Variants in GRIK4 observed in about 807,000 individuals in gnomAD.
GRIK4 encodes glutamate ionotropic receptor kainate type subunit 4, also known as glutamate receptor ionotropic, kainate 4.
GRIK4 carries 40 observed loss-of-function variants against 104.9 expected under a neutral mutation model. The observed-to-expected ratio is 0.38, with a 90% CI of 0.30 to 0.50. The LOEUF is 0.50. Ranked by LOEUF, GRIK4 falls within the 20% of genes least tolerant of loss-of-function variation. GRIK4 has a pLI of 0.93. For synonymous variants in GRIK4, 485 were observed against 524.9 expected, an observed-to-expected ratio of 0.92 and a Z score of 1.04; for missense variants, 1,047 against 1,308.1, an observed-to-expected ratio of 0.80 and a Z score of 3.08.
intron 1 of GRIK4, among the ~76,000 whole-genome samples, chr11:120,636,191 C>G (rs925238795): frequency 1.3e-5 from 2 of 152,178 alleles, no homozygotes; most frequent in Non-Finnish European, 2.9e-5. Context: ...TAGCTTTTGA[C>G]TTTCATGAAT....
chr11:120,722,626 A>AG (rs397778058), intron 3 of GRIK4, among the ~76,000 whole-genome samples: 94 of 148,494 alleles, frequency 6.3e-4, no homozygotes, highest in African/African-American at 2.2e-3. Flanking sequence ...AAAAAAAAAA[A>AG]GATTTTGGGG....
chr11:120,958,932 A>T (rs1944227338), intron 16 of GRIK4, among the ~76,000 whole-genome samples: 3 of 152,096 alleles, frequency 2.0e-5, no homozygotes, highest in Admixed American at 2.0e-4. Flanking sequence ...AGGGCAGAAG[A>T]GCTGAGGCAG....
At chr11:120,517,026 C>T (rs1169850668) in intron 1 of GRIK4, among the ~76,000 whole-genome samples, 1 of 131,992 alleles carries the variant, frequency 7.6e-6, no homozygotes, top group Non-Finnish European at 1.6e-5. Context: ...TCAGTCTCAC[C>T]TCCCCAGCCT....
At position 120,581,336 on chromosome 11, in the gene GRIK4, C is replaced by T. The variant is rs949383724; in HGVS notation, c.-159+69449C>T. ...ACTTCCTTTACTGTCATTTAGAGAA[C>T]GGTTTCAGAAGACAGCCTCTTGGAG... On this transcript the variant is annotated intron_variant, in intron 1 of 20. Coordinates refer to ENST00000527524, the MANE Select transcript of GRIK4 (RefSeq NM_014619.5). 5.3e-5 allele frequency among the ~76,000 whole-genome samples: 8 copies of T among 152,284 alleles called. No homozygotes were observed. The East Asian group carries it at 5.8e-4, about 11-fold the overall frequency.
chr11:120,627,921 C>G lies in GRIK4; in HGVS notation c.-158-25764C>G, dbSNP rs889570383. On this transcript the variant is annotated intron_variant, in intron 1 of 20. Transcript: ENST00000527524. ...CTTCTGAACTCATGTCACGGTGCTG[C>G]TAGCAATTTGCTGTGCTTCTAATTC... Among the ~76,000 whole-genome samples the G allele has an allele frequency of 2.0e-5, 3 of 152,248 alleles. No individual in the cohort carries two copies. The East Asian group carries it at 5.8e-4, about 29-fold the overall frequency.
At chr11:120,598,612 T>A (rs935921359) in intron 1 of GRIK4, among the ~76,000 whole-genome samples, 19 of 152,212 alleles carry the variant, frequency 1.2e-4, no homozygotes, top group Non-Finnish European at 2.5e-4. Flanking sequence ...GCTCCTTTGG[T>A]CTTGGCCAGG....
At chr11:120,597,383 A>G (rs924932743) in intron 1 of GRIK4, among the ~76,000 whole-genome samples, 4 of 152,164 alleles carry the variant, frequency 2.6e-5, no homozygotes. Context: ...GGGGCTGCAC[A>G]CGGTGGGAGC....
chr11:120,649,163 T>C (rs1278460762), intron 1 of GRIK4, among the ~76,000 whole-genome samples: 1 of 152,140 alleles, frequency 6.6e-6, no homozygotes, highest in African/African-American at 2.4e-5. Context: ...AGGACACCGC[T>C]CACGTTGCTG....
At chr11:120,840,876 G>A (rs1274183022) in intron 8 of GRIK4, among the ~76,000 whole-genome samples, 1 of 151,820 alleles carries the variant, frequency 6.6e-6, no homozygotes, top group Non-Finnish European at 1.5e-5. Flanking sequence ...TACCCATTAA[G>A]CAATAGCTCC....
At chr11:120,969,248 TCTC>T (rs1283353090) in intron 19 of GRIK4, among the ~76,000 whole-genome samples, 1 of 152,078 alleles carries the variant, frequency 6.6e-6, no homozygotes, top group African/African-American at 2.4e-5. Flanking sequence ...GGAGATTACT[TCTC>T]CTTGTTCAGA....
chr11:120,950,214 C>T (rs1213796451), intron 14 of GRIK4, among the ~76,000 whole-genome samples: 3 of 152,216 alleles, frequency 2.0e-5, no homozygotes, highest in Admixed American at 2.0e-4. Context: ...TTCTGGTTGG[C>T]GTCAGTCAAT....
rs572533461 is a variant in GRIK4 at position 120,645,289 on chromosome 11, G to A, written c.-158-8396G>A. On this transcript the variant is annotated intron_variant, in intron 1 of 20. Transcript: ENST00000527524. Reference sequence around the variant, plus strand: ...CCTCGTTCCTTGACTGTGTGACTGCGGTTCCCAGCCTGTGCCGGGTGACTG... The same window carrying A: ...CCTCGTTCCTTGACTGTGTGACTGCAGTTCCCAGCCTGTGCCGGGTGACTG... Among the ~76,000 whole-genome samples, 74 of 152,316 alleles carry A rather than the reference G, an allele frequency of 4.9e-4. 1 individual carries two copies. Among genetic ancestry groups the A allele is most frequent in the African/African-American group, 1.6e-3 (67 of 41,570 alleles).
chr11:120,842,908 T>C (rs1452018170), intron 8 of GRIK4, among the ~76,000 whole-genome samples: 1 of 152,232 alleles, frequency 6.6e-6, no homozygotes, highest in East Asian at 1.9e-4. Context: ...GAAGCTCAAT[T>C]TGAGCTAATA....
chr11:120,922,914 C>G (rs1358786330), intron 13 of GRIK4, among the ~76,000 whole-genome samples: 3 of 152,218 alleles, frequency 2.0e-5, no homozygotes, highest in African/African-American at 7.2e-5. Flanking sequence ...ATGCAAAGGC[C>G]CAGATCCTTA....
intron 3 of GRIK4, among the ~76,000 whole-genome samples, chr11:120,661,836 AAAAAG>A (rs1949822899): frequency 6.6e-6 from 1 of 152,226 alleles, no homozygotes. Context: ...ATGCTTAAAA[AAAAAG>A]AAATTAAAAA....
intron 3 of GRIK4, among the ~76,000 whole-genome samples, chr11:120,783,630 A>G (rs1347760729): frequency 6.6e-6 from 1 of 152,176 alleles, no homozygotes; most frequent in Non-Finnish European, 1.5e-5. Flanking sequence ...CTTCCATGGC[A>G]TATGGCATCG....
At position 120,911,068 on chromosome 11, in the gene GRIK4, C is replaced by T. The variant is rs2510640; in HGVS notation, c.1476+5575C>T. 4.7e-3 allele frequency among the ~76,000 whole-genome samples: 710 copies of T among 152,098 alleles called. 5 individuals are homozygous for T. Among genetic ancestry groups the T allele is most frequent in the African/African-American group, 0.016 (663 of 41,478 alleles). On this transcript the variant is annotated intron_variant, in intron 13 of 20. Coordinates refer to ENST00000527524, the MANE Select transcript of GRIK4 (RefSeq NM_014619.5). Reference sequence around the variant, plus strand: ...ACATGGTGGTGAGGGAGTGTGGCCCCGTGGGCAGCTGTCATTGATGAAGGG... The same window carrying T: ...ACATGGTGGTGAGGGAGTGTGGCCCTGTGGGCAGCTGTCATTGATGAAGGG...
At chr11:120,626,094 C>T (rs1252536233) in intron 1 of GRIK4, among the ~76,000 whole-genome samples, 1 of 152,084 alleles carries the variant, frequency 6.6e-6, no homozygotes, top group African/African-American at 2.4e-5. Context: ...TTCAAAGTGT[C>T]CCCCCGCCCC....
chr11:120,960,867 A>T, intron 16 of GRIK4, 42 bp from the exon 17 acceptor site: 1 of 1,546,222 alleles, frequency 6.5e-7, no homozygotes, highest in African/African-American at 1.4e-5. Flanking sequence ...GACTCCAGGG[A>T]GTGCCCGGGC....
Sources: allele counts gnomAD v4.1 joint callset (sites outside exome capture counted in the v4.1 genomes callset), GRCh38; gene constraint gnomAD v4.1.1; transcripts MANE v1.5; gene names NCBI Gene and HGNC (gene_info 2026-07-23, HGNC 2026-07-21).